The following CHRNA5 variants were observed in gnomAD, a reference collection of about 807,000 sequenced individuals.
CHRNA5 encodes the protein cholinergic receptor nicotinic alpha 5 subunit.
In CHRNA5, 28 loss-of-function variants were observed where a neutral mutation model predicts 41.2. The observed-to-expected ratio is 0.68, with a 90% CI of 0.50 to 0.93. CHRNA5 has a LOEUF of 0.93. Among genes scored for constraint, CHRNA5 ranks in the 40% least tolerant of loss-of-function variants. The pLI is 0.00. For missense variants in CHRNA5, 481 were observed against 581.9 expected (o/e 0.83, Z 1.78); for synonymous variants, 188 against 205.8 (o/e 0.91, Z 0.74).
chr15:78,566,130 G>A (rs990852700), intron 1 of CHRNA5, among the ~76,000 whole-genome samples: 1 of 152,150 alleles, frequency 6.6e-6, no homozygotes. Context: ...CTCTTGTCCA[G>A]CAGGGCTTTC....
rs2052978305 is a variant in CHRNA5 at position 78,588,182 on chromosome 15, C to T, written c.304-132C>T. 1 of 485,790 alleles carries T rather than the reference C, an allele frequency of 2.1e-6. No homozygotes were observed. The highest frequency in any genetic ancestry group is 3.7e-6 in the Non-Finnish European group (1 of 272,302). 30.1% of individuals were successfully genotyped at this position (485,790 alleles called of 1,614,324 possible). On this transcript the variant is annotated intron_variant, in intron 3 of 5. Transcript: ENST00000299565. The surrounding 1 kb of genome is among the most constrained non-coding windows in gnomAD (Gnocchi z 4.1). ...TATCTGGTGCCCATAATAAGAAAGA[C>T]AGGGAGGTGTTCTCTATTGGGGGTA...
intron 2 of CHRNA5, among the ~76,000 whole-genome samples, chr15:78,582,537 A>G (rs2052923096): frequency 6.6e-6 from 1 of 151,952 alleles, no homozygotes; most frequent in Admixed American, 6.6e-5. Context: ...CTTGCTCTCA[A>G]AGATCTTTCT....
intron 5 of CHRNA5, among the ~76,000 whole-genome samples, chr15:78,592,315 C>T (rs537541194): frequency 2.6e-5 from 4 of 152,186 alleles, no homozygotes; most frequent in Non-Finnish European, 4.4e-5. Context: ...GAGCAAGGCT[C>T]TGTCTCAAAA....
At position 78,567,240 on chromosome 15, in the gene CHRNA5, G is replaced by A. The variant is rs571078094; in HGVS notation, c.106+1415G>A. On this transcript the variant is annotated intron_variant, in intron 1 of 5. Transcript: ENST00000299565. Reference sequence around the variant, plus strand: ...TGCACTCCAGCCTGGGCAACACAGCGAGACTCCGTCTCAAAAAAAAAAAAA... The same window carrying A: ...TGCACTCCAGCCTGGGCAACACAGCAAGACTCCGTCTCAAAAAAAAAAAAA... Among the ~76,000 whole-genome samples, 10 of 146,080 alleles carry A rather than the reference G, an allele frequency of 6.8e-5. No individual in the cohort carries two copies. In the South Asian group the frequency reaches 1.7e-3, roughly 25 times the overall value.
exon 1 of CHRNA5, chr15:78,565,789 T>C: frequency 8.2e-7 from 1 of 1,221,784 alleles, no homozygotes. Flanking sequence ...CGCGGGGCGC[T>C]GCGGTCTAGC....
chr15:78,582,023 CT>C (rs1164544339), intron 2 of CHRNA5, among the ~76,000 whole-genome samples: 1 of 152,140 alleles, frequency 6.6e-6, no homozygotes, highest in Non-Finnish European at 1.5e-5. Context: ...TGAACGTCTC[CT>C]TTCCTTAAGA....
intron 1 of CHRNA5, among the ~76,000 whole-genome samples, chr15:78,568,477 A>T (rs564874257): frequency 2.1e-4 from 18 of 83,728 alleles, no homozygotes; most frequent in African/African-American, 4.3e-4. Flanking sequence ...TTTTTTTTTA[A>T]AATATTACTT....
exon 5 of CHRNA5, chr15:78,590,288 T>C (rs1291212767): frequency 6.2e-7 from 1 of 1,613,926 alleles, no homozygotes; most frequent in Non-Finnish European, 8.5e-7. Flanking sequence ...TTCTGGTTAT[T>C]GAAGAGATCA....
At chr15:78,576,853 T>C (rs1193193182) in intron 1 of CHRNA5, among the ~76,000 whole-genome samples, 1 of 151,882 alleles carries the variant, frequency 6.6e-6, no homozygotes, top group Non-Finnish European at 1.5e-5. Context: ...TATGTAGTGC[T>C]ATAGAGATGC....
At chr15:78,591,709 A>G (rs2053017141) in intron 5 of CHRNA5, among the ~76,000 whole-genome samples, 1 of 152,046 alleles carries the variant, frequency 6.6e-6, no homozygotes, top group Non-Finnish European at 1.5e-5. Context: ...TCCTTATTTT[A>G]TTGTATTTCA....
At chr15:78,584,823 T>C (rs2052944168) in intron 2 of CHRNA5, among the ~76,000 whole-genome samples, 2 of 152,230 alleles carry the variant, frequency 1.3e-5, no homozygotes, top group African/African-American at 4.8e-5. Flanking sequence ...TCAGCAGTTA[T>C]TCTGGGTGGT....
exon 6 of CHRNA5, chr15:78,593,419 T>TG: frequency 8.6e-6 from 5 of 581,882 alleles, no homozygotes; most frequent in Non-Finnish European, 1.4e-5. Context: ...AACAGTTGGC[T>TG]GTATGACTGA....
At chr15:78,584,947 C>T (rs1380673429) in intron 2 of CHRNA5, among the ~76,000 whole-genome samples, 1 of 152,038 alleles carries the variant, frequency 6.6e-6, no homozygotes, top group Non-Finnish European at 1.5e-5. Context: ...CCTCTCTGGG[C>T]CAGTTTCTGT....
At position 78,572,736 on chromosome 15, in the gene CHRNA5, C is replaced by T. The variant is rs555903194; in HGVS notation, c.106+6911C>T. Among the ~76,000 whole-genome samples, 8 of 152,248 alleles carry T rather than the reference C, an allele frequency of 5.3e-5. No individual in the cohort carries two copies. In the South Asian group the frequency reaches 1.7e-3, roughly 32 times the overall value. ...GACCTCAAGTGATCCCCCACCTCAG[C>T]CTCCCAAAGTGCTGGGATTACAGGC... On this transcript the variant is annotated intron_variant, in intron 1 of 5. Coordinates refer to ENST00000299565, the Ensembl canonical transcript of CHRNA5.
At chr15:78,575,157 A>G (rs1371410890) in intron 1 of CHRNA5, among the ~76,000 whole-genome samples, 1 of 152,136 alleles carries the variant, frequency 6.6e-6, no homozygotes, top group Non-Finnish European at 1.5e-5. Context: ...GTTTCACCAA[A>G]TGATTTGACT....
intron 1 of CHRNA5, among the ~76,000 whole-genome samples, chr15:78,578,575 A>G (rs1326851024): frequency 6.6e-6 from 1 of 152,166 alleles, no homozygotes. Flanking sequence ...CAGGACACAA[A>G]CTCTTGAGGA....
chr15:78,591,149 T>G (rs1479287631), intron 5 of CHRNA5: 1 of 153,372 alleles, frequency 6.5e-6, no homozygotes, highest in East Asian at 1.9e-4. Context: ...GGTGGGTGGA[T>G]CATTTGAGGT....
exon 5 of CHRNA5, chr15:78,590,420 A>G (rs1355984584): frequency 6.2e-7 from 1 of 1,614,050 alleles, no homozygotes; most frequent in East Asian, 2.2e-5. Context: ...GTTCTTCCTC[A>G]ACACATAATG....
chr15:78,567,795 T>C (rs2052763714), intron 1 of CHRNA5, among the ~76,000 whole-genome samples: 1 of 152,226 alleles, frequency 6.6e-6, no homozygotes, highest in Non-Finnish European at 1.5e-5. Context: ...TTGAAAATTA[T>C]AAGATTCTGT....
Sources: allele counts gnomAD v4.1 joint callset (sites outside exome capture counted in the v4.1 genomes callset), GRCh38; gene constraint gnomAD v4.1.1; non-coding constraint Gnocchi (gnomAD v3.1); transcripts MANE v1.5; gene names NCBI Gene and HGNC (gene_info 2026-07-23, HGNC 2026-07-21).